CCBE1: variants seen among roughly 807,000 people sequenced by gnomAD.
CCBE1 encodes collagen and calcium-binding EGF domain-containing protein 1.
Under a neutral mutation model 50.0 loss-of-function variants are expected in CCBE1, and 37 were observed. The ratio of observed to expected loss-of-function variants is 0.74; its 90% CI spans 0.57 to 0.97. CCBE1 has a LOEUF of 0.97. CCBE1 is among the 50% of genes least tolerant of loss of function. CCBE1 has a pLI of 0.00. For synonymous variants in CCBE1, 234 were observed against 203.7 expected (o/e 1.15, Z -1.27); for missense variants, 538 against 523.8 (o/e 1.03, Z -0.26).
In CCBE1 at chr18:59,697,347, G is replaced by A. The variant is rs2054824630; in HGVS notation, c.-5C>T. On this transcript the variant is annotated 5_prime_UTR_variant, in exon 1 of 11. Transcript: ENST00000439986. ...GCTCGGAGGCGGCGGCACCATCAGG[G>A]AAGCTCCCGGCTTCTTCCCAGCGCC... 1 of 1,546,066 alleles carries A rather than the reference G, an allele frequency of 6.5e-7. No homozygotes were observed. The highest frequency in any genetic ancestry group is 8.7e-7 in the Non-Finnish European group (1 of 1,146,600).
chr18:59,649,758 T>C (rs1018650178), intron 2 of CCBE1, among the ~76,000 whole-genome samples: 1 of 152,080 alleles, frequency 6.6e-6, no homozygotes, highest in African/African-American at 2.4e-5. Context: ...AAAGTAAAAG[T>C]GGGGGTGGAT....
chr18:59,606,701 A>G (rs560389135), intron 2 of CCBE1, among the ~76,000 whole-genome samples: 8 of 152,120 alleles, frequency 5.3e-5, no homozygotes, highest in African/African-American at 1.2e-4. Context: ...CTGCTGTTTT[A>G]GAAGGAAAAA....
At chr18:59,626,533 C>T (rs2053787316) in intron 2 of CCBE1, among the ~76,000 whole-genome samples, 1 of 152,218 alleles carries the variant, frequency 6.6e-6, no homozygotes, top group African/African-American at 2.4e-5. Flanking sequence ...TTACTCTGTG[C>T]CAGGCACTGC....
intron 3 of CCBE1, among the ~76,000 whole-genome samples, chr18:59,479,686 C>T (rs1469644832): frequency 3.3e-5 from 5 of 152,202 alleles, no homozygotes. Flanking sequence ...ATCTGCTCCC[C>T]ATCCTGGCTT....
intron 2 of CCBE1, among the ~76,000 whole-genome samples, chr18:59,621,371 C>T (rs1164674423): frequency 6.6e-6 from 1 of 152,202 alleles, no homozygotes; most frequent in Non-Finnish European, 1.5e-5. Flanking sequence ...TTCTAGGTGT[C>T]CCCACTGCCT....
intron 2 of CCBE1, among the ~76,000 whole-genome samples, chr18:59,637,136 G>C (rs1410250307): frequency 6.6e-6 from 1 of 152,126 alleles, no homozygotes; most frequent in East Asian, 1.9e-4. Flanking sequence ...TAATTCAAAA[G>C]GTTGAATCCC....
chr18:59,466,691 T>C (rs1187147133), intron 5 of CCBE1, 48 bp downstream of exon 5: 4 of 1,392,454 alleles, frequency 2.9e-6, no homozygotes, highest in South Asian at 2.4e-5. Context: ...ATATATATAA[T>C]ATATAAAAAT....
intron 2 of CCBE1, among the ~76,000 whole-genome samples, chr18:59,651,579 T>C (rs2054128846): frequency 6.6e-6 from 1 of 152,218 alleles, no homozygotes; most frequent in African/African-American, 2.4e-5. Context: ...CAGCAGACCT[T>C]AGCAAGGATC....
intron 2 of CCBE1, among the ~76,000 whole-genome samples, chr18:59,533,434 A>C (rs996969410): frequency 6.6e-6 from 1 of 152,228 alleles, no homozygotes; most frequent in African/African-American, 2.4e-5. Flanking sequence ...AGAGATTATA[A>C]AGAGAACACT....
chr18:59,671,484 T>G, intron 2 of CCBE1, among the ~76,000 whole-genome samples: 1 of 138,206 alleles, frequency 7.2e-6, no homozygotes. Context: ...GGCAACAGAG[T>G]GAGACCTTGT....
At chr18:59,657,986 A>C (rs1202475911) in intron 2 of CCBE1, among the ~76,000 whole-genome samples, 2 of 152,036 alleles carry the variant, frequency 1.3e-5, no homozygotes, top group African/African-American at 2.4e-5. Context: ...AGCACATTGG[A>C]GTAGCAGGCC....
chr18:59,648,335 G>A (rs570043391), intron 2 of CCBE1, among the ~76,000 whole-genome samples: 21 of 152,302 alleles, frequency 1.4e-4, no homozygotes, highest in East Asian at 3.9e-4. Flanking sequence ...TTGGAGAACC[G>A]GGTGGCTGGG....
In CCBE1 at chr18:59,696,664, A is replaced by T; in HGVS notation, c.177T>A (p.Cys59Ter). The T allele has an allele frequency of 6.2e-7, 1 of 1,614,108 alleles. No individual in the cohort carries two copies. Among genetic ancestry groups the T allele is most frequent in the Non-Finnish European group, 8.5e-7 (1 of 1,179,962 alleles). The stretch of plus-strand genomic sequence containing the variant: ...TGGTGAGCTCGCCTGAAGACTTCAG[A>T]CACGGGTATTTAGTCGTCGCGATTT... ...ESKIATTKYP[C>*]LKSSGELTTC... The change falls in exon 2 of 11, where the codon TGT (cysteine) becomes TGA (stop). Residue 59 changes from cysteine (C) to a stop codon, truncating the protein, a stop_gained. Coordinates refer to ENST00000439986, the MANE Select transcript of CCBE1 (RefSeq NM_133459.4). LOFTEE classifies it high-confidence loss of function.
intron 2 of CCBE1, among the ~76,000 whole-genome samples, chr18:59,581,811 G>C (rs1371399920): frequency 6.6e-6 from 1 of 152,136 alleles, no homozygotes; most frequent in African/African-American, 2.4e-5. Flanking sequence ...ATTTATTATA[G>C]TTGTGACAAC....
At chr18:59,588,796 C>G (rs2053215680) in intron 2 of CCBE1, among the ~76,000 whole-genome samples, 1 of 152,144 alleles carries the variant, frequency 6.6e-6, no homozygotes, top group African/African-American at 2.4e-5. Flanking sequence ...CAGCATTTTT[C>G]AGCTTCCCCT....
intron 2 of CCBE1, among the ~76,000 whole-genome samples, chr18:59,665,507 A>G (rs2054341618): frequency 6.6e-6 from 1 of 152,200 alleles, no homozygotes; most frequent in Admixed American, 6.5e-5. Flanking sequence ...GTAGGGGTAC[A>G]CCACATCATT....
At chr18:59,651,960 T>C (rs1307261623) in intron 2 of CCBE1, among the ~76,000 whole-genome samples, 1 of 152,236 alleles carries the variant, frequency 6.6e-6, no homozygotes, top group Non-Finnish European at 1.5e-5. Context: ...CTATCAATCA[T>C]TGAATTTATT....
chr18:59,644,400 G>A (rs1260888062), intron 2 of CCBE1, among the ~76,000 whole-genome samples: 4 of 152,182 alleles, frequency 2.6e-5, no homozygotes, highest in Admixed American at 1.3e-4. Context: ...TTGATTCGAT[G>A]TGTAAGTTCT....
chr18:59,535,126 T>G (rs34717723), intron 2 of CCBE1, among the ~76,000 whole-genome samples: 42,255 of 100,970 alleles, frequency 0.42, 6,072 homozygotes, highest in Admixed American at 0.44. Context: ...AGACGAGGCA[T>G]TCAGCATGCT....
Sources: allele counts gnomAD v4.1 joint callset (sites outside exome capture counted in the v4.1 genomes callset), GRCh38; gene constraint gnomAD v4.1.1; transcripts MANE v1.5; gene names NCBI Gene and HGNC (gene_info 2026-07-23, HGNC 2026-07-21).